DIAPH2: variants seen among roughly 807,000 people sequenced by gnomAD.
DIAPH2 encodes the protein diaphanous related formin 2.
In DIAPH2, 35 loss-of-function variants were observed where a neutral mutation model predicts 92.7. The ratio of observed to expected loss-of-function variants is 0.38; its 90% confidence interval spans 0.29 to 0.50. DIAPH2 has a LOEUF of 0.50. DIAPH2 is among the 20% of genes least tolerant of loss of function. DIAPH2 has a pLI of 0.94. For missense variants in DIAPH2, 701 were observed against 819.5 expected, an observed-to-expected ratio of 0.86 and a Z score of 1.77; for synonymous variants, 301 against 280.4, an observed-to-expected ratio of 1.07 and a Z score of -0.73.
At chrX:97,168,883 A>C (rs756856898) in intron 22 of DIAPH2, among the ~76,000 whole-genome samples, 1 of 111,942 alleles carries the variant, frequency 8.9e-6, no homozygotes, top group South Asian at 3.8e-4. Context: ...TCTTTTTATA[A>C]AAGGCTTGCA....
At chrX:96,931,701 A>C (rs1272136922) in intron 10 of DIAPH2, among the ~76,000 whole-genome samples, 2 of 111,313 alleles carry the variant, frequency 1.8e-5, no homozygotes, top group Non-Finnish European at 3.8e-5. Flanking sequence ...AGAAATACCC[A>C]AATTGGGGAC....
intron 25 of DIAPH2, among the ~76,000 whole-genome samples, chrX:97,406,064 T>G (rs2069807166): frequency 1.8e-5 from 2 of 111,776 alleles, no homozygotes; most frequent in Admixed American, 1.9e-4. Flanking sequence ...GTTCTCCTGT[T>G]TGCATTGTAC....
intron 22 of DIAPH2, among the ~76,000 whole-genome samples, chrX:97,214,068 A>G: frequency 9.0e-6 from 1 of 111,675 alleles, no homozygotes; most frequent in Non-Finnish European, 1.9e-5. Context: ...AATTGGAGTA[A>G]TGAAAGGACC....
At chrX:97,321,674 C>T (rs997056245) in intron 23 of DIAPH2, among the ~76,000 whole-genome samples, 3 of 107,555 alleles carry the variant, frequency 2.8e-5, no homozygotes, top group Non-Finnish European at 5.8e-5. Flanking sequence ...CTCAGCCTCC[C>T]GAGTAGCTGG....
At chrX:97,486,753 GTT>G (rs1379284371) in intron 26 of DIAPH2, among the ~76,000 whole-genome samples, 2 of 111,720 alleles carry the variant, frequency 1.8e-5, no homozygotes, top group Non-Finnish European at 3.8e-5. Flanking sequence ...GGCTATATTT[GTT>G]TTTTGGTTGT....
chrX:97,109,244 A>T (rs144174473), intron 20 of DIAPH2, among the ~76,000 whole-genome samples: 1,472 of 110,227 alleles, frequency 0.013, 10 homozygotes, highest in Non-Finnish European at 0.021. Flanking sequence ...ACATGGCACA[A>T]CCCCATCTCT....
chrX:97,138,738 G>A (rs1335785369), intron 21 of DIAPH2, among the ~76,000 whole-genome samples: 1 of 111,618 alleles, frequency 9.0e-6, no homozygotes, highest in African/African-American at 3.2e-5. Flanking sequence ...AAAGAAGATT[G>A]TAGAGTGACC....
chrX:97,381,055 C>A (rs754275153), intron 24 of DIAPH2, among the ~76,000 whole-genome samples: 1 of 111,301 alleles, frequency 9.0e-6, no homozygotes, highest in Non-Finnish European at 1.9e-5. Context: ...TTAGTGGTGC[C>A]TTTTGCAAGC....
At chrX:96,753,100 G>A (rs1251029100) in intron 3 of DIAPH2, among the ~76,000 whole-genome samples, 2 of 111,831 alleles carry the variant, frequency 1.8e-5, no homozygotes, top group Non-Finnish European at 3.8e-5. Context: ...CAAAGGTGAC[G>A]CCACCACACT....
At chrX:97,352,290 C>T (rs761920579) in intron 24 of DIAPH2, among the ~76,000 whole-genome samples, 31 of 110,848 alleles carry the variant, frequency 2.8e-4, no homozygotes, top group African/African-American at 1.0e-3. Context: ...ATAGAGATAT[C>T]CTCTAAAAGA....
At chrX:97,473,846 G>C (rs187521269) in intron 26 of DIAPH2, among the ~76,000 whole-genome samples, 161 of 111,495 alleles carry the variant, frequency 1.4e-3, no homozygotes, top group African/African-American at 4.9e-3. Context: ...TGTAGTCCCA[G>C]CTACTCAGGA....
chrX:97,232,051 C>T (rs2147528190), intron 22 of DIAPH2, among the ~76,000 whole-genome samples: 1 of 111,133 alleles, frequency 9.0e-6, no homozygotes, highest in South Asian at 3.9e-4. Flanking sequence ...GTTATTCTCT[C>T]CATTTCAGCT....
At chrX:97,099,930 C>A in intron 20 of DIAPH2, 135 bp downstream of exon 20, 1 of 314,395 alleles carries the variant, frequency 3.2e-6, no homozygotes, top group East Asian at 4.9e-5. Flanking sequence ...ATAATATTGG[C>A]TGTCAGAAAA....
chrX:97,239,937 A>G (rs1216417845), intron 22 of DIAPH2, among the ~76,000 whole-genome samples: 1 of 110,322 alleles, frequency 9.1e-6, no homozygotes, highest in African/African-American at 3.3e-5. Flanking sequence ...GAAGTAGTGT[A>G]GGCAAAGACC....
At chrX:96,839,369 A>G (rs2064920847) in intron 4 of DIAPH2, among the ~76,000 whole-genome samples, 1 of 111,333 alleles carries the variant, frequency 9.0e-6, no homozygotes, top group Non-Finnish European at 1.9e-5. Context: ...ATAATGTATA[A>G]TAAAGCTTAA....
chrX:97,545,307 G>T (rs1372076750), intron 26 of DIAPH2, among the ~76,000 whole-genome samples: 1 of 110,069 alleles, frequency 9.1e-6, no homozygotes, highest in Non-Finnish European at 1.9e-5. Flanking sequence ...TTGGGCTAGA[G>T]TTGTCTCTGT....
At chrX:97,384,892 TA>T (rs1602552664) in intron 25 of DIAPH2, among the ~76,000 whole-genome samples, 4 of 109,721 alleles carry the variant, frequency 3.6e-5, no homozygotes, top group African/African-American at 1.3e-4. Context: ...AATAAATAAA[TA>T]AATAAATAAA....
chrX:96,712,409 C>T (rs2063924147), intron 1 of DIAPH2, among the ~76,000 whole-genome samples: 2 of 110,875 alleles, frequency 1.8e-5, no homozygotes, highest in Non-Finnish European at 3.8e-5. Context: ...TAAAGTTAGG[C>T]ATACAGAGGG....
At chrX:96,874,844 A>G (rs1284060136) in intron 4 of DIAPH2, among the ~76,000 whole-genome samples, 1 of 112,191 alleles carries the variant, frequency 8.9e-6, no homozygotes, top group African/African-American at 3.2e-5. Flanking sequence ...TGTCTTTCAT[A>G]ACATAAGAAG....
Sources: allele counts gnomAD v4.1 joint callset (sites outside exome capture counted in the v4.1 genomes callset), GRCh38; gene constraint gnomAD v4.1.1; transcripts MANE v1.5; gene names NCBI Gene and HGNC (gene_info 2026-07-23, HGNC 2026-07-21).